Variants in MAP3K19 observed in about 807,000 individuals in gnomAD.
The protein encoded by MAP3K19 is mitogen-activated protein kinase kinase kinase 19, also known as SPS1/STE20-related protein kinase YSK4.
In MAP3K19, 91 loss-of-function variants were observed where a neutral mutation model predicts 114.4. That is an observed-to-expected ratio of 0.80 (90% confidence interval 0.67 to 0.95). MAP3K19 has a LOEUF of 0.95. Among genes scored for constraint, MAP3K19 ranks in the 40% least tolerant of loss-of-function variants. The probability of loss-of-function intolerance (pLI) is 0.00; values close to 1 mark genes in which losing one functional copy is unlikely to be tolerated. For synonymous variants in MAP3K19, 518 were observed against 530.5 expected (o/e 0.98, Z 0.32); for missense variants, 1,471 against 1,573.2 (o/e 0.94, Z 1.10).
intron 2 of MAP3K19, among the ~76,000 whole-genome samples, chr2:135,032,593 T>TA (rs1371774182): frequency 6.8e-6 from 1 of 147,958 alleles, no homozygotes; most frequent in African/African-American, 2.6e-5. Context: ...GTTTTTTTTT[T>TA]AATTTAATTT....
chr2:135,016,227 A>G (rs1687579007), intron 5 of MAP3K19, among the ~76,000 whole-genome samples: 1 of 152,154 alleles, frequency 6.6e-6, no homozygotes, highest in South Asian at 2.1e-4. Flanking sequence ...TGTGGAATTG[A>G]TTTTGTATAT....
chr2:134,980,895 G>A lies in MAP3K19; in HGVS notation c.3846C>T (p.His1282=), dbSNP rs1268601721. ...CTGGTAAAGGAGGCATCAGCCCTCG[G>A]TGTGCTCCGATGTAAAACATGGCGG... The part of the protein sequence containing the change: ...RMAAMFYIGA[H]RGLMPPLPDH... The change falls in exon 12 of 13, where the codon CAC becomes CAT. Residue 1282 remains histidine (H), a synonymous_variant. Coordinates refer to ENST00000392915, the MANE Select transcript of MAP3K19 (RefSeq NM_025052.5). 6.2e-7 allele frequency: 1 copy of A among 1,614,236 alleles called. No homozygotes were observed. Among genetic ancestry groups the A allele is most frequent in the South Asian group, 1.1e-5 (1 of 91,086 alleles).
intron 12 of MAP3K19, among the ~76,000 whole-genome samples, chr2:134,973,233 T>TC (rs1258906911): frequency 6.6e-6 from 1 of 152,212 alleles, no homozygotes. Context: ...GGTGTTAAAG[T>TC]CCCCATCTAT....
intron 5 of MAP3K19, among the ~76,000 whole-genome samples, chr2:135,005,863 A>C (rs1450713373): frequency 6.6e-6 from 1 of 152,168 alleles, no homozygotes; most frequent in Non-Finnish European, 1.5e-5. Context: ...ACTGGAAAGA[A>C]TCCTTTGGCC....
chr2:134,981,167 C>T lies in MAP3K19; in HGVS notation c.3574G>A (p.Val1192Ile), dbSNP rs1684626423. The change falls in exon 12 of 13, where the codon GTT becomes ATT. Residue 1192 changes from valine (V) to isoleucine (I), a missense_variant. Transcript: ENST00000392915. Reference protein sequence around the residue: ...VVHRDIKGNNVMLMPTGIIKL... With the variant: ...VVHRDIKGNNIMLMPTGIIKL... ...ATTATTCCAGTTGGCATGAGCATAA[C>T]ATTATTTCCTTTGATATCGCGATGT... 6.2e-7 allele frequency: 1 copy of T among 1,614,024 alleles called. No individual in the cohort carries two copies. The highest frequency in any genetic ancestry group is 1.7e-5 in the Admixed American group (1 of 60,008).
At chr2:135,004,582 T>C (rs1464072918) in intron 6 of MAP3K19, among the ~76,000 whole-genome samples, 3 of 152,090 alleles carry the variant, frequency 2.0e-5, no homozygotes, top group African/African-American at 4.8e-5. Flanking sequence ...CCGGGAGAAA[T>C]TGCAGCAGTT....
chr2:134,974,768 G>A (rs376376386), intron 12 of MAP3K19, among the ~76,000 whole-genome samples: 9 of 152,124 alleles, frequency 5.9e-5, no homozygotes, highest in East Asian at 1.9e-4. Flanking sequence ...CCTGCTTGAT[G>A]TAGTCTATTG....
At chr2:135,030,147 C>T (rs147725337) in intron 3 of MAP3K19, among the ~76,000 whole-genome samples, 165 bp downstream of exon 3, 1 of 152,138 alleles carries the variant, frequency 6.6e-6, no homozygotes, top group Non-Finnish European at 1.5e-5. Context: ...TGTTTTCCAC[C>T]CCAGTGTCCT....
At chr2:134,981,593 T>A in intron 11 of MAP3K19, 75 bp from the exon 12 acceptor site, 2 of 1,112,946 alleles carry the variant, frequency 1.8e-6, no homozygotes, top group Admixed American at 4.4e-5. Flanking sequence ...AGGTGACACT[T>A]GACTTTCCCT....
At chr2:135,024,480 G>T (rs879110133) in intron 4 of MAP3K19, 146 bp downstream of exon 4, 3 of 749,876 alleles carry the variant, frequency 4.0e-6, no homozygotes, top group Non-Finnish European at 6.9e-6. Context: ...GCACCTAGTC[G>T]TGGGCCTTGT....
At chr2:135,018,281 C>CAAAAAAAAA (rs781510594) in intron 5 of MAP3K19, among the ~76,000 whole-genome samples, 184 of 58,086 alleles carry the variant, frequency 3.2e-3, no homozygotes, top group Non-Finnish European at 4.7e-3. Flanking sequence ...GCAACAACAG[C>CAAAAAAAAA]AAAAAAAAAA....
rs144160990 is a variant in MAP3K19, at chr2:134,985,012, G to C, written c.3072+788C>G. Among the ~76,000 whole-genome samples the C allele has an allele frequency of 9.0e-3, 1,365 of 152,262 alleles. 11 individuals carry two copies. The highest frequency in any genetic ancestry group is 0.025 in the South Asian group (121 of 4,818). ...ATATAGTGCAGTATGACCTGAGTTA[G>C]TGTTCAATAAATAATATTTCAGTTT... On this transcript the variant is annotated intron_variant, in intron 10 of 12. Transcript: ENST00000392915.
chr2:135,012,076 C>G (rs1687272378), intron 5 of MAP3K19, among the ~76,000 whole-genome samples: 2 of 152,086 alleles, frequency 1.3e-5, no homozygotes, highest in African/African-American at 2.4e-5. Context: ...ATTTTGATTA[C>G]TATATAATAT....
At chr2:135,015,474 T>C (rs1687520097) in intron 5 of MAP3K19, among the ~76,000 whole-genome samples, 1 of 152,212 alleles carries the variant, frequency 6.6e-6, no homozygotes, top group Admixed American at 6.5e-5. Flanking sequence ...GTATCTTTTC[T>C]CACCTTATGA....
rs565804017 is a variant in MAP3K19, at chr2:135,029,095, G to A, written c.-95+1217C>T. 9.2e-5 allele frequency among the ~76,000 whole-genome samples: 14 copies of A among 152,286 alleles called. No individual in the cohort carries two copies. In the South Asian group the frequency reaches 1.0e-3, roughly 11 times the overall value. Reference sequence around the variant, plus strand: ...TGGCTATAAAAACAGACATTGGGCCGGGCGCAGTGGCTCACGCCTGTAATC... The same window carrying A: ...TGGCTATAAAAACAGACATTGGGCCAGGCGCAGTGGCTCACGCCTGTAATC... On this transcript the variant is annotated intron_variant, in intron 3 of 12. Transcript: ENST00000392915.
At chr2:135,004,638 G>A (rs555706803) in intron 6 of MAP3K19, among the ~76,000 whole-genome samples, 1 of 152,356 alleles carries the variant, frequency 6.6e-6, no homozygotes, top group East Asian at 1.9e-4. Context: ...ATAGATGACA[G>A]ACAAATGGGA....
Position 134,986,579 on chromosome 2 carries a change from G to C in MAP3K19, c.2293C>G (p.Pro765Ala). 1 of 1,614,142 alleles carries C rather than the reference G, an allele frequency of 6.2e-7. No homozygotes were observed. ...CCTGAAGACTTTATCTGCCAGTCTG[G>C]TTCTGAAATACCATCACCATTTTCA... is the stretch of plus-strand genomic sequence containing the variant. ...DIENGDGISE[P>A]DWQIKSSGNE... Residue 765 changes from proline to alanine, a missense_variant, in exon 10 of 13, where the codon CCA (proline) becomes GCA (alanine). Coordinates refer to ENST00000392915, the MANE Select transcript of MAP3K19 (RefSeq NM_025052.5).
intron 4 of MAP3K19, chr2:135,023,283 T>TCTC: frequency 2.8e-6 from 1 of 359,692 alleles, no homozygotes. Context: ...CTCTTCTGAT[T>TCTC]CTCCTCCTCC....
In MAP3K19 at chr2:134,983,546, C is replaced by T. The variant is rs532962321; in HGVS notation, c.3222+130G>A. On this transcript the variant is annotated intron_variant, in intron 11 of 12. Coordinates refer to ENST00000392915, the MANE Select transcript of MAP3K19 (RefSeq NM_025052.5). ...TGGTTGGATTTTCTGTTACTTCCAA[C>T]TGAAAGAGTTCTAAGTAAAAGAGTG... The T allele has an allele frequency of 1.0e-4, 66 of 662,686 alleles. 3 individuals are homozygous for T. The East Asian group carries it at 1.8e-3, about 18-fold the overall frequency. 41.1% of individuals were successfully genotyped at this position (662,686 alleles called of 1,614,324 possible). A position where few individuals can be genotyped will look rare whatever the true frequency, so the allele number is the denominator to read the frequency against.
Sources: allele counts gnomAD v4.1 joint callset (sites outside exome capture counted in the v4.1 genomes callset), GRCh38; gene constraint gnomAD v4.1.1; transcripts MANE v1.5; gene names NCBI Gene and HGNC (gene_info 2026-07-23, HGNC 2026-07-21).